Variants in FAM210A observed in about 807,000 individuals in gnomAD.
The protein encoded by FAM210A is family with sequence similarity 210 member A.
Under a neutral mutation model 25.3 loss-of-function variants are expected in FAM210A, and 13 were observed. That is an observed-to-expected ratio of 0.51 (90% CI 0.33 to 0.82). The LOEUF is 0.82. Among genes scored for constraint, FAM210A ranks in the 40% least tolerant of loss-of-function variants. The pLI is 0.02. For missense variants in FAM210A, 319 were observed against 323.2 expected (o/e 0.99, Z 0.10); for synonymous variants, 125 against 118.7 (o/e 1.05, Z -0.35).
At chr18:13,667,041 T>C (rs1149357) in intron 3 of FAM210A, among the ~76,000 whole-genome samples, 135,606 of 152,214 alleles carry the variant, frequency 0.89, 60,505 homozygotes, top group East Asian at 0.95. Context: ...CCAGTAAAAA[T>C]AACAGAGGAA....
chr18:13,726,270 G>A (rs1033188222), intron 1 of FAM210A, 59 bp downstream of exon 1: 2 of 152,542 alleles, frequency 1.3e-5, no homozygotes, highest in African/African-American at 4.8e-5. Flanking sequence ...ACACGCCCAG[G>A]GTTGAAGGTG....
At chr18:13,717,336 T>C (rs147498166) in intron 1 of FAM210A, among the ~76,000 whole-genome samples, 111 of 152,254 alleles carry the variant, frequency 7.3e-4, no homozygotes, top group African/African-American at 2.1e-3. Context: ...AGAGACAGAG[T>C]GTCACTCTGT....
At chr18:13,688,188 C>T (rs1332444341) in intron 1 of FAM210A, among the ~76,000 whole-genome samples, 1 of 152,174 alleles carries the variant, frequency 6.6e-6, no homozygotes, top group African/African-American at 2.4e-5. Context: ...GGCAAAACCC[C>T]ACCTTTGAGC....
At chr18:13,722,064 C>T (rs2043901535) in intron 1 of FAM210A, among the ~76,000 whole-genome samples, 1 of 152,102 alleles carries the variant, frequency 6.6e-6, no homozygotes, top group African/African-American at 2.4e-5. Context: ...GACCATGACT[C>T]TTTCTTTGGT....
At chr18:13,679,164 TA>T (rs1403690024) in intron 2 of FAM210A, among the ~76,000 whole-genome samples, 2 of 152,258 alleles carry the variant, frequency 1.3e-5, no homozygotes, top group Non-Finnish European at 2.9e-5. Context: ...AGAAAGGCAG[TA>T]ATGCGAGCTA....
intron 1 of FAM210A, among the ~76,000 whole-genome samples, chr18:13,690,603 G>C (rs2043635158): frequency 6.6e-6 from 1 of 152,206 alleles, no homozygotes; most frequent in Non-Finnish European, 1.5e-5. Flanking sequence ...TGCAATATTT[G>C]CTGTTCTGCA....
intron 2 of FAM210A, 97 bp from the exon 3 acceptor site, chr18:13,672,070 A>C: frequency 1.2e-6 from 1 of 844,160 alleles, no homozygotes; most frequent in Non-Finnish European, 1.8e-6. Context: ...AATTTTATTA[A>C]ATTTTGCTTA....
At chr18:13,686,023 C>T (rs1385690114) in intron 1 of FAM210A, among the ~76,000 whole-genome samples, 3 of 152,078 alleles carry the variant, frequency 2.0e-5, no homozygotes, top group African/African-American at 4.8e-5. Context: ...AAACCAAAAC[C>T]TAGTTCTTTG....
At chr18:13,722,793 T>C (rs1786531) in intron 1 of FAM210A, among the ~76,000 whole-genome samples, 6,973 of 152,124 alleles carry the variant, frequency 0.046, 538 homozygotes, top group African/African-American at 0.16. Context: ...TTCAGGTCAC[T>C]TATGTGGAGC....
chr18:13,698,490 C>A (rs1568485042), intron 1 of FAM210A, among the ~76,000 whole-genome samples: 1 of 151,980 alleles, frequency 6.6e-6, no homozygotes. Flanking sequence ...ATCCAAATAT[C>A]CTAAGATTCA....
intron 1 of FAM210A, among the ~76,000 whole-genome samples, chr18:13,693,968 T>C (rs968327983): frequency 2.6e-5 from 4 of 152,234 alleles, no homozygotes; most frequent in Non-Finnish European, 5.9e-5. Context: ...GACATGATTG[T>C]AGATTTAGAA....
At chr18:13,669,475 T>C (rs563846781) in intron 3 of FAM210A, among the ~76,000 whole-genome samples, 1 of 152,270 alleles carries the variant, frequency 6.6e-6, no homozygotes, top group East Asian at 1.9e-4. Context: ...CAGAACTTTG[T>C]CTTTCGGATT....
At chr18:13,708,166 C>T (rs2043794208) in intron 1 of FAM210A, among the ~76,000 whole-genome samples, 2 of 152,170 alleles carry the variant, frequency 1.3e-5, no homozygotes, top group Admixed American at 6.5e-5. Context: ...ACCTGGTAGT[C>T]CTTTAACGCT....
intron 1 of FAM210A, among the ~76,000 whole-genome samples, chr18:13,706,715 A>G (rs950334779): frequency 6.6e-6 from 1 of 152,124 alleles, no homozygotes; most frequent in Non-Finnish European, 1.5e-5. Flanking sequence ...TTGTTGCACA[A>G]CAGACTTTAA....
intron 1 of FAM210A, among the ~76,000 whole-genome samples, chr18:13,682,325 G>C (rs1191630893): frequency 1.3e-5 from 2 of 152,194 alleles, no homozygotes; most frequent in African/African-American, 4.8e-5. Flanking sequence ...CCAGCACTTT[G>C]GGAGGCCAAG....
rs78519177 is a variant in FAM210A, at chr18:13,712,712, T to G, written c.-29+13617A>C. Among the ~76,000 whole-genome samples, 4 of 152,252 alleles carry G rather than the reference T, an allele frequency of 2.6e-5. No individual in the cohort carries two copies. The East Asian group carries it at 7.7e-4, about 29-fold the overall frequency. ...CTGCCAGTACCTTGCTCTTAGACTTTCCTGCCTCCAGAACCATGAAAAATA... is the reference window on the plus strand; with the variant it reads ...CTGCCAGTACCTTGCTCTTAGACTTGCCTGCCTCCAGAACCATGAAAAATA... On this transcript the variant is annotated intron_variant, in intron 1 of 3. Coordinates refer to ENST00000651643, the MANE Select transcript of FAM210A (RefSeq NM_152352.4).
At chr18:13,716,097 C>T (rs2043859864) in intron 1 of FAM210A, among the ~76,000 whole-genome samples, 1 of 152,122 alleles carries the variant, frequency 6.6e-6, no homozygotes, top group Non-Finnish European at 1.5e-5. Flanking sequence ...CTTTAAGTTA[C>T]AATACAATAG....
rs991047238 is a variant in FAM210A at position 13,663,822 on chromosome 18, T to C, written c.*2658A>G. 2.6e-5 allele frequency: 4 copies of C among 151,820 alleles called. No homozygotes were observed. The highest frequency in any genetic ancestry group is 5.9e-5 in the Non-Finnish European group (4 of 68,008). The allele number at this position is 151,820 out of a possible 1,614,324, so 9.4% of individuals were successfully genotyped here. On this transcript the variant is annotated 3_prime_UTR_variant, in exon 4 of 4. Transcript: ENST00000651643. ...AGAGTGAGACTCTGTCTCAAAAAAA[T>C]AAATATAAATATAAATATAAATGTA...
At chr18:13,692,992 G>C (rs1601954715) in intron 1 of FAM210A, among the ~76,000 whole-genome samples, 2 of 152,170 alleles carry the variant, frequency 1.3e-5, no homozygotes, top group East Asian at 3.8e-4. Context: ...AAAATTGATA[G>C]ACTGCTAGCA....
Sources: gnomAD v4.1 joint callset for allele counts (sites outside exome capture counted in the v4.1 genomes callset) on GRCh38, gnomAD v4.1.1 for gene constraint, MANE v1.5 for transcripts, NCBI Gene and HGNC (gene_info 2026-07-23, HGNC 2026-07-21) for gene names.